The following DNAH7 variants were observed in gnomAD, a reference collection of about 807,000 sequenced individuals.
The protein encoded by DNAH7 is axonemal beta dynein heavy chain 7.
DNAH7 carries 397 observed loss-of-function variants against 444.6 expected under a neutral mutation model. The observed-to-expected ratio is 0.89, with a 90% confidence interval of 0.82 to 0.97. DNAH7 has a LOEUF of 0.97. Ranked by LOEUF, DNAH7 falls within the 50% of genes least tolerant of loss-of-function variation. The probability of loss-of-function intolerance (pLI) is 0.00; values close to 1 mark genes in which losing one functional copy is unlikely to be tolerated. For synonymous variants in DNAH7, 1,636 were observed against 1,624.4 expected (o/e 1.01, Z -0.17); for missense variants, 4,902 against 4,800.8 (o/e 1.02, Z -0.62).
chr2:195,999,364 T>C lies in DNAH7; in HGVS notation c.1353+1340A>G, dbSNP rs73987650. ...TGTCTTTGAAATCATTAAGCAAGAA[T>C]TCAGCTAAAAATGGTCCTTGGTCTG... On this transcript the variant is annotated intron_variant, in intron 12 of 64. Transcript: ENST00000312428. 2,230 of 621,074 alleles carry C rather than the reference T, an allele frequency of 3.6e-3. 42 individuals carry two copies. In the African/African-American group the frequency reaches 0.036, roughly 10 times the overall value. 38.5% of individuals were successfully genotyped at this position (621,074 alleles called of 1,614,324 possible). A position where few individuals can be genotyped will look rare whatever the true frequency, so the allele number is the denominator to read the frequency against.
rs142425489 is a variant in DNAH7, at chr2:195,952,528, G to A, written c.3078+4733C>T. 1.3e-4 allele frequency among the ~76,000 whole-genome samples: 20 copies of A among 152,190 alleles called. No individual in the cohort carries two copies. In the East Asian group the frequency reaches 2.5e-3, roughly 19 times the overall value. On this transcript the variant is annotated intron_variant, in intron 19 of 64. Coordinates refer to ENST00000312428, the MANE Select transcript of DNAH7 (RefSeq NM_018897.3). ...ATAATATCCTGAAGAGTGTTTTCCA[G>A]CTTGGTTCCATTCTCCCCGTCAATT... is the stretch of plus-strand genomic sequence containing the variant.
intron 28 of DNAH7, among the ~76,000 whole-genome samples, chr2:195,898,823 T>A (rs1400927779): frequency 6.6e-6 from 1 of 152,238 alleles, no homozygotes; most frequent in Admixed American, 6.5e-5. Context: ...CAAAGTTTAC[T>A]ACAAATCTGG....
intron 17 of DNAH7, among the ~76,000 whole-genome samples, chr2:195,968,963 G>A (rs1691663103): frequency 1.3e-5 from 2 of 152,222 alleles, no homozygotes; most frequent in South Asian, 4.1e-4. Flanking sequence ...TCCCCGACGT[G>A]TACAGATTCT....
At chr2:195,941,451 CAAA>C (rs1207029040) in intron 19 of DNAH7, among the ~76,000 whole-genome samples, 3 of 56,780 alleles carry the variant, frequency 5.3e-5, no homozygotes, top group Non-Finnish European at 8.2e-5. Flanking sequence ...ACCTAGATGA[CAAA>C]AAAAAAAAAA....
chr2:195,810,136 A>C (rs1407432112), intron 51 of DNAH7, among the ~76,000 whole-genome samples: 1 of 152,108 alleles, frequency 6.6e-6, no homozygotes, highest in African/African-American at 2.4e-5. Context: ...ATGGTATATT[A>C]ATCTGTTAGA....
chr2:195,969,882 A>G, intron 17 of DNAH7, 66 bp downstream of exon 17: 1 of 1,511,620 alleles, frequency 6.6e-7, no homozygotes, highest in Non-Finnish European at 9.0e-7. Context: ...AAGGTGAATA[A>G]CTAAAACGAA....
At chr2:195,846,847 G>T (rs923075535) in intron 46 of DNAH7, among the ~76,000 whole-genome samples, 4 of 151,996 alleles carry the variant, frequency 2.6e-5, no homozygotes, top group Non-Finnish European at 5.9e-5. Context: ...AAGTTCTTCA[G>T]CTTTGGAACT....
chr2:196,036,331 G>A (rs1402977292), intron 5 of DNAH7, among the ~76,000 whole-genome samples: 1 of 152,098 alleles, frequency 6.6e-6, no homozygotes, highest in Admixed American at 6.5e-5. Context: ...ACTGTGCCTG[G>A]CCTCCACATT....
chr2:195,964,404 T>C (rs1164263498), intron 17 of DNAH7, among the ~76,000 whole-genome samples: 3 of 152,158 alleles, frequency 2.0e-5, no homozygotes, highest in African/African-American at 4.8e-5. Context: ...TTTGAGACTA[T>C]TGTAAATGGG....
At chr2:195,768,943 T>C (rs1267469245) in intron 61 of DNAH7, among the ~76,000 whole-genome samples, 1 of 152,206 alleles carries the variant, frequency 6.6e-6, no homozygotes, top group Non-Finnish European at 1.5e-5. Context: ...TTTAGCATTA[T>C]ACCAGAGAAT....
intron 9 of DNAH7, among the ~76,000 whole-genome samples, chr2:196,017,310 G>A (rs747110104): frequency 7.9e-5 from 12 of 152,136 alleles, no homozygotes; most frequent in Admixed American, 2.0e-4. Flanking sequence ...ACAACACTTG[G>A]CCCCAAAGTG....
chr2:195,985,307 A>G (rs1162591564), intron 14 of DNAH7, among the ~76,000 whole-genome samples: 1 of 152,200 alleles, frequency 6.6e-6, no homozygotes, highest in African/African-American at 2.4e-5. Context: ...GTGGAACAGC[A>G]TGGGGATAAT....
intron 35 of DNAH7, among the ~76,000 whole-genome samples, chr2:195,883,449 G>GCCCCCCCCCCCC (rs1203503298): frequency 1.5e-5 from 2 of 135,866 alleles, no homozygotes; most frequent in African/African-American, 6.9e-5. Context: ...CTCAGTCCCC[G>GCCCCCCCCCCCC]CTCCCCCCCC....
rs773024513 is a variant in DNAH7 at position 195,864,814 on chromosome 2, T to C, written c.6841A>G (p.Thr2281Ala). The C allele has an allele frequency of 6.2e-7, 1 of 1,614,102 alleles. No homozygotes were observed. Among genetic ancestry groups the C allele is most frequent in the Non-Finnish European group, 8.5e-7 (1 of 1,180,032 alleles). Residue 2281 changes from threonine to alanine, a missense_variant, in exon 41 of 65, where the codon ACC becomes GCC. Physicochemically the swap from Thr to Ala is moderately conservative, Grantham distance 58. Coordinates refer to ENST00000312428, the MANE Select transcript of DNAH7 (RefSeq NM_018897.3). ...CDFHDPKRED[T>A]NYREIADVDN... ...ACATCTGCGATTTCTCTGTAGTTGG[T>C]ATCCTCCCTCTTGGGATCATGGAAA... is the stretch of plus-strand genomic sequence containing the variant.
intron 5 of DNAH7, among the ~76,000 whole-genome samples, chr2:196,045,897 CAT>C (rs1414886142): frequency 6.6e-6 from 1 of 151,926 alleles, no homozygotes; most frequent in African/African-American, 2.4e-5. Context: ...TAGAAGTCCA[CAT>C]ATATGAGAAA....
At chr2:195,926,991 C>T (rs569320358) in intron 21 of DNAH7, among the ~76,000 whole-genome samples, 27 of 152,212 alleles carry the variant, frequency 1.8e-4, no homozygotes, top group Middle Eastern at 6.8e-3. Flanking sequence ...CAGCCATATG[C>T]CTGTACACAT....
chr2:195,845,308 G>T, intron 46 of DNAH7, 143 bp from the exon 47 acceptor site: 1 of 616,572 alleles, frequency 1.6e-6, no homozygotes, highest in Non-Finnish European at 2.5e-6. Flanking sequence ...CTGTTTCTCA[G>T]ATTCTTATTT....
At chr2:195,984,860 A>C in intron 14 of DNAH7, 150 bp from the exon 15 acceptor site, 3 of 676,922 alleles carry the variant, frequency 4.4e-6, no homozygotes, top group African/African-American at 3.6e-5. Context: ...GCAAATTTGC[A>C]TACATTTACT....
intron 46 of DNAH7, among the ~76,000 whole-genome samples, chr2:195,850,220 A>G (rs1007864121): frequency 5.3e-5 from 8 of 151,972 alleles, no homozygotes; most frequent in Non-Finnish European, 1.0e-4. Flanking sequence ...TCAAAATTCA[A>G]GCCAATGGCC....
Sources: gnomAD v4.1 joint callset for allele counts (sites outside exome capture counted in the v4.1 genomes callset) on GRCh38, gnomAD v4.1.1 for gene constraint, MANE v1.5 for transcripts, NCBI Gene and HGNC (gene_info 2026-07-23, HGNC 2026-07-21) for gene names.